IL3RA: variants seen among roughly 807,000 people sequenced by gnomAD.
The protein encoded by IL3RA is interleukin-3 receptor subunit alpha.
In IL3RA, 73 loss-of-function variants were observed where a neutral mutation model predicts 52.3. The observed-to-expected ratio is 1.40, with a 90% confidence interval of 1.16 to 1.70. IL3RA has a LOEUF of 1.70. Among genes scored for constraint, IL3RA ranks in the 40% most tolerant of loss-of-function variants. The pLI, the probability that IL3RA is intolerant of heterozygous loss-of-function variation, is 0.00. For synonymous variants in IL3RA, 260 were observed against 194.0 expected (o/e 1.34, Z -2.83); for missense variants, 664 against 504.4 (o/e 1.32, Z -3.03).
intron 7 of IL3RA, among the ~76,000 whole-genome samples, chrX:1,357,832 G>A (rs1157852162): frequency 6.7e-6 from 1 of 149,096 alleles, no homozygotes; most frequent in Non-Finnish European, 1.5e-5. Flanking sequence ...GCTGGGTGCA[G>A]TAGCTTACGC....
At chrX:1,378,407 C>T (rs550796561) in intron 9 of IL3RA, among the ~76,000 whole-genome samples, 3 of 152,260 alleles carry the variant, frequency 2.0e-5, no homozygotes, top group Non-Finnish European at 2.9e-5. Context: ...GTGGTCTTTC[C>T]GCTCCCTTAG....
At chrX:1,378,896 G>C in intron 10 of IL3RA, 132 bp downstream of exon 10, 2 of 857,628 alleles carry the variant, frequency 2.3e-6, no homozygotes, top group Non-Finnish European at 3.7e-6. Context: ...AGGCTGGAGT[G>C]CAGTGGCACG....
chrX:1,343,026 G>A (rs1398208189), intron 2 of IL3RA, among the ~76,000 whole-genome samples: 1 of 151,708 alleles, frequency 6.6e-6, no homozygotes, highest in Non-Finnish European at 1.5e-5. Flanking sequence ...AGTGAGCCTA[G>A]ATCACGCCAT....
intron 8 of IL3RA, among the ~76,000 whole-genome samples, chrX:1,360,626 C>G (rs1431226998): frequency 6.6e-6 from 1 of 152,018 alleles, no homozygotes; most frequent in Non-Finnish European, 1.5e-5. Flanking sequence ...TCAAGCGAAT[C>G]TACTCCCTCA....
Position 1,341,758 on chromosome X carries a change from C to A in IL3RA, c.-8C>A. The A allele has an allele frequency of 1.2e-6, 2 of 1,613,882 alleles. No homozygotes were observed. The highest frequency in any genetic ancestry group is 8.5e-7 in the Non-Finnish European group (1 of 1,179,848). On this transcript the variant is annotated 5_prime_UTR_variant, in exon 2 of 12. Coordinates refer to ENST00000331035, the MANE Select transcript of IL3RA (RefSeq NM_002183.4). The stretch of plus-strand genomic sequence containing the variant: ...ACCTCTGTCCTGCGTTCCGGAGCTG[C>A]GTTCCCGATGGTCCTCCTTTGGCTC...
intron 1 of IL3RA, among the ~76,000 whole-genome samples, chrX:1,341,381 GC>G (rs2085484854): frequency 6.6e-6 from 1 of 151,924 alleles, no homozygotes; most frequent in African/African-American, 2.4e-5. Flanking sequence ...ACACGTGCAA[GC>G]ACACACACAC....
chrX:1,356,921 T>C (rs770169827), intron 7 of IL3RA, among the ~76,000 whole-genome samples: 3 of 152,298 alleles, frequency 2.0e-5, no homozygotes, highest in African/African-American at 7.2e-5. Flanking sequence ...CCAGATATTT[T>C]TGATCCACAG....
At chrX:1,340,119 T>C (rs1231648194) in intron 1 of IL3RA, among the ~76,000 whole-genome samples, 2 of 137,280 alleles carry the variant, frequency 1.5e-5, no homozygotes, top group Non-Finnish European at 3.2e-5. Flanking sequence ...TCTTTTCTTT[T>C]TTTTTTTTTT....
rs1207820168 is a variant in IL3RA at position 1,365,243 on chromosome X, C to A, written c.865C>A (p.Gln289Lys). The change falls in exon 9 of 12, where the codon CAG becomes AAG. Residue 289 changes from glutamine to lysine, a missense_variant. Coordinates refer to ENST00000331035, the MANE Select transcript of IL3RA (RefSeq NM_002183.4). ...YEFLSAWSTP[Q>K]RFECDQEEGA... ...ATTCTTGAGCGCCTGGAGCACCCCC[C>A]AGCGCTTCGGTGAGTGGGCTGTGCG... The A allele has an allele frequency of 3.1e-6, 5 of 1,601,920 alleles. No individual in the cohort carries two copies. The highest frequency in any genetic ancestry group is 3.4e-5 in the Admixed American group (2 of 59,522).
chrX:1,358,769 G>A lies in IL3RA; in HGVS notation c.733-92G>A, dbSNP rs1265761125. Reference sequence around the variant, plus strand: ...TTCCCAGAGCCCTCACTGTTTTGCTGGTTTTCCTGGAGGGAGAAATTTGAG... The same window carrying A: ...TTCCCAGAGCCCTCACTGTTTTGCTAGTTTTCCTGGAGGGAGAAATTTGAG... On this transcript the variant is annotated intron_variant, in intron 7 of 11. Transcript: ENST00000331035. 7 of 1,440,420 alleles carry A rather than the reference G, an allele frequency of 4.9e-6. No homozygotes were observed. In the African/African-American group the frequency reaches 9.8e-5, roughly 20 times the overall value. The allele number at this position is 1,440,420 out of a possible 1,614,324, so 89.2% of individuals were successfully genotyped here.
intron 8 of IL3RA, among the ~76,000 whole-genome samples, chrX:1,362,498 CTGTCTA>C (rs2087525472): frequency 6.7e-6 from 1 of 149,452 alleles, no homozygotes; most frequent in South Asian, 2.1e-4. Flanking sequence ...CCCACTATCT[CTGTCTA>C]TGTCTGTTTT....
In IL3RA at chrX:1,348,740, T is replaced by TTC. The variant is rs1238449241; in HGVS notation, c.298+197_298+198dup. 1.9e-4 allele frequency among the ~76,000 whole-genome samples: 27 copies of TTC among 144,420 alleles called. 2 individuals are homozygous for TTC. Among genetic ancestry groups the TTC allele is most frequent in the African/African-American group, 6.8e-4 (26 of 38,166 alleles). The allele number at this position is 144,420 out of a possible 152,430, so 94.7% of individuals were successfully genotyped here. ...TCTTTCTTCCTTTCTTTTTCTTTCTTTCTTTCCTTCTTTCCTCTCTTTCTT... is the reference window on the plus strand; with the variant it reads ...TCTTTCTTCCTTTCTTTTTCTTTCTTTCTCTTTCCTTCTTTCCTCTCTTTCTT... On this transcript the variant is annotated intron_variant, in intron 4 of 11. Coordinates refer to ENST00000331035, the MANE Select transcript of IL3RA (RefSeq NM_002183.4).
chrX:1,368,529 G>A (rs1426697226), intron 9 of IL3RA, among the ~76,000 whole-genome samples: 1 of 152,168 alleles, frequency 6.6e-6, no homozygotes, highest in Non-Finnish European at 1.5e-5. Context: ...CAAAATTCGT[G>A]TGTTGAAGCT....
At chrX:1,359,376 C>G (rs756811567) in intron 8 of IL3RA, among the ~76,000 whole-genome samples, 3 of 152,244 alleles carry the variant, frequency 2.0e-5, no homozygotes, top group East Asian at 3.9e-4. Flanking sequence ...CAGGAACAGA[C>G]AGCCGGACCA....
chrX:1,365,033 T>C, intron 8 of IL3RA, 105 bp from the exon 9 acceptor site: 1 of 726,956 alleles, frequency 1.4e-6, no homozygotes, highest in Non-Finnish European at 2.4e-6. Flanking sequence ...GGTCTCGAAC[T>C]CCTGACCTCA....
At chrX:1,346,582 G>C in intron 3 of IL3RA, among the ~76,000 whole-genome samples, 1 of 151,940 alleles carries the variant, frequency 6.6e-6, no homozygotes, top group East Asian at 1.9e-4. Context: ...ACTCCAGCCT[G>C]GGTGACAGAG....
At chrX:1,368,216 G>A (rs1326656805) in intron 9 of IL3RA, among the ~76,000 whole-genome samples, 2 of 151,716 alleles carry the variant, frequency 1.3e-5, no homozygotes, top group Non-Finnish European at 1.5e-5. Context: ...CCGAGATCGC[G>A]CCACTGTGCT....
intron 8 of IL3RA, among the ~76,000 whole-genome samples, chrX:1,364,868 G>C (rs2087794112): frequency 6.6e-6 from 1 of 151,782 alleles, no homozygotes; most frequent in South Asian, 2.1e-4. Flanking sequence ...CAGTGCAGTG[G>C]TGCCATCTCG....
At chrX:1,341,860 C>A (rs1265328516) in intron 2 of IL3RA, 31 bp downstream of exon 2, 2 of 1,609,688 alleles carry the variant, frequency 1.2e-6, no homozygotes, top group Admixed American at 1.7e-5. Context: ...GCACGTGCCA[C>A]CTGGGGAGCG....
Sources: allele counts gnomAD v4.1 joint callset (sites outside exome capture counted in the v4.1 genomes callset), GRCh38; gene constraint gnomAD v4.1.1; transcripts MANE v1.5; gene names NCBI Gene and HGNC (gene_info 2026-07-23, HGNC 2026-07-21).